The following UBOX5 variants were observed in gnomAD, a reference collection of about 807,000 sequenced individuals.
UBOX5 encodes U-box domain containing 5.
Under a neutral mutation model 39.0 loss-of-function variants are expected in UBOX5, and 28 were observed. The observed-to-expected ratio is 0.72, with a 90% CI of 0.53 to 0.98. The LOEUF is 0.98. Ranked by LOEUF, UBOX5 falls within the 50% of genes least tolerant of loss-of-function variation. The pLI is 0.00. For missense variants in UBOX5, 585 were observed against 674.4 expected, an observed-to-expected ratio of 0.87 and a Z score of 1.47; for synonymous variants, 283 against 275.5, an observed-to-expected ratio of 1.03 and a Z score of -0.27.
At chr20:3,113,457 G>T (rs560891020) in intron 4 of UBOX5, among the ~76,000 whole-genome samples, 2 of 152,244 alleles carry the variant, frequency 1.3e-5, no homozygotes, top group South Asian at 2.1e-4. Context: ...AAGAAGTGGA[G>T]CATGGTGATG....
At chr20:3,148,474 C>T in intron 1 of UBOX5, 1 of 1,614,116 alleles carries the variant, frequency 6.2e-7, no homozygotes, top group Non-Finnish European at 8.5e-7. Flanking sequence ...TATCAAAGAG[C>T]TGTATCTTCT....
rs761576034 is a variant in UBOX5 at position 3,122,189 on chromosome 20, G to A, written c.450C>T (p.Pro150=). Residue 150 remains proline, a synonymous_variant, in exon 3 of 5, where the codon CCC becomes CCT. Transcript: ENST00000217173. ...GCTCCTGGGCCACAACAGCAGGGGA[G>A]GGGAGTGTGGCTTCCATCGCGCCAA... ...PPFGAMEATL[P]SPAVVAQELW... 1 of 1,614,158 alleles carries A rather than the reference G, an allele frequency of 6.2e-7. No individual in the cohort carries two copies. Among genetic ancestry groups the A allele is most frequent in the South Asian group, 1.1e-5 (1 of 91,076 alleles).
chr20:3,155,846 G>GT (rs2066678363), intron 1 of UBOX5, among the ~76,000 whole-genome samples: 1 of 152,098 alleles, frequency 6.6e-6, no homozygotes, highest in Admixed American at 6.6e-5. Context: ...CCTACAAATG[G>GT]TAAACAGTGG....
At chr20:3,144,332 C>G (rs918535683) in intron 1 of UBOX5, among the ~76,000 whole-genome samples, 1 of 152,114 alleles carries the variant, frequency 6.6e-6, no homozygotes, top group African/African-American at 2.4e-5. Context: ...AATAACCCCC[C>G]ACATGTATGG....
intron 1 of UBOX5, chr20:3,148,071 CAG>C: frequency 1.9e-6 from 3 of 1,614,166 alleles, no homozygotes; most frequent in Non-Finnish European, 2.5e-6. Flanking sequence ...ATGACAAATT[CAG>C]AGAGATTAGT....
intron 4 of UBOX5, among the ~76,000 whole-genome samples, chr20:3,113,775 G>A (rs1229923538): frequency 6.6e-6 from 1 of 152,206 alleles, no homozygotes; most frequent in Non-Finnish European, 1.5e-5. Context: ...GATGATGGGG[G>A]CAGTGAGGGG....
intron 1 of UBOX5, among the ~76,000 whole-genome samples, chr20:3,139,138 C>A (rs1415918056): frequency 6.6e-6 from 1 of 152,154 alleles, no homozygotes; most frequent in Non-Finnish European, 1.5e-5. Context: ...AATTGAGTTA[C>A]CTGTCCATCC....
chr20:3,144,324 T>C (rs2066542149), intron 1 of UBOX5, among the ~76,000 whole-genome samples: 1 of 152,174 alleles, frequency 6.6e-6, no homozygotes, highest in Non-Finnish European at 1.5e-5. Flanking sequence ...AATCCATAAA[T>C]AACCCCCCAC....
chr20:3,111,716 T>A (rs1389182361), intron 4 of UBOX5: 2 of 152,602 alleles, frequency 1.3e-5, no homozygotes, highest in African/African-American at 4.8e-5. Flanking sequence ...CCCTTTCCTG[T>A]GCTTTCAGAG....
At chr20:3,126,281 T>C (rs2066387432) in intron 1 of UBOX5, among the ~76,000 whole-genome samples, 1 of 152,070 alleles carries the variant, frequency 6.6e-6, no homozygotes, top group South Asian at 2.1e-4. Context: ...GTGCAAGATG[T>C]GCTTTGTCAA....
intron 1 of UBOX5, among the ~76,000 whole-genome samples, chr20:3,140,916 ATT>A (rs11365728): frequency 6.0e-4 from 67 of 111,992 alleles, no homozygotes; most frequent in East Asian, 1.8e-3. Flanking sequence ...GGGTTGCCAG[ATT>A]TTTTTTTTTT....
At chr20:3,119,579 C>T (rs1456298636) in intron 3 of UBOX5, among the ~76,000 whole-genome samples, 1 of 152,106 alleles carries the variant, frequency 6.6e-6, no homozygotes. Context: ...TCAGGCCAGG[C>T]GCGGTGGCTT....
In UBOX5 at chr20:3,134,615, T is replaced by A. The variant is rs530578465; in HGVS notation, c.-41-11209A>T. Among the ~76,000 whole-genome samples the A allele has an allele frequency of 1.7e-3, 244 of 141,460 alleles. 3 individuals are homozygous for A. The highest frequency in any genetic ancestry group is 7.7e-3 in the Middle Eastern group (2 of 260). The allele number at this position is 141,460 out of a possible 152,430, so 92.8% of individuals were successfully genotyped here. A position where few individuals can be genotyped will look rare whatever the true frequency, so the allele number is the denominator to read the frequency against. On this transcript the variant is annotated intron_variant, in intron 1 of 4. Coordinates refer to ENST00000217173, the MANE Select transcript of UBOX5 (RefSeq NM_014948.4). ...TGGCTCATGCCTGTAATTCCAGCAC[T>A]CTGGGAGGCCAGACAGGCGGATCAT... is the stretch of plus-strand genomic sequence containing the variant.
Position 3,143,050 on chromosome 20 carries a change from A to G in UBOX5, c.-42+16716T>C, listed in dbSNP as rs2066531136. Reference sequence around the variant, plus strand: ...TCACACAGCAACAAAAAAAATTATTAGGGCTAACAAATGAATATTAAGCAC... The same window carrying G: ...TCACACAGCAACAAAAAAAATTATTGGGGCTAACAAATGAATATTAAGCAC... On this transcript the variant is annotated intron_variant, in intron 1 of 4. Coordinates refer to ENST00000217173, the MANE Select transcript of UBOX5 (RefSeq NM_014948.4). 1.3e-5 allele frequency among the ~76,000 whole-genome samples: 2 copies of G among 149,498 alleles called. 1 individual carries two copies. Among genetic ancestry groups the G allele is most frequent in the South Asian group, 4.2e-4 (2 of 4,724 alleles).
chr20:3,139,742 CTG>C (rs1327664464), intron 1 of UBOX5, among the ~76,000 whole-genome samples: 1 of 150,818 alleles, frequency 6.6e-6, no homozygotes, highest in Non-Finnish European at 1.5e-5. Context: ...CGGAGTCTTG[CTG>C]TGTCACCTCG....
In UBOX5 at chr20:3,115,240, C is replaced by A; in HGVS notation, c.1417+65G>T. On this transcript the variant is annotated intron_variant, in intron 4 of 4. Coordinates refer to ENST00000217173, the MANE Select transcript of UBOX5 (RefSeq NM_014948.4). ...CAGAGCCCCCAGGGACTCGGCCCAG[C>A]ATCCAGAGACAGAAAACAGACCACC... 3.9e-6 allele frequency: 6 copies of A among 1,529,688 alleles called. No homozygotes were observed. The East Asian group carries it at 1.4e-4, about 36-fold the overall frequency. The allele number at this position is 1,529,688 out of a possible 1,614,324, so 94.8% of individuals were successfully genotyped here.
At chr20:3,159,290 G>A (rs2066721999) in intron 1 of UBOX5, among the ~76,000 whole-genome samples, 4 of 152,090 alleles carry the variant, frequency 2.6e-5, no homozygotes, top group Admixed American at 2.6e-4. Flanking sequence ...CATACTGTAG[G>A]GCCTTGCTAC....
At chr20:3,148,329 C>A in intron 1 of UBOX5, 1 of 1,613,972 alleles carries the variant, frequency 6.2e-7, no homozygotes, top group African/African-American at 1.3e-5. Flanking sequence ...CAGAGATCAG[C>A]CACCAAAAGG....
chr20:3,123,513 C>T, intron 1 of UBOX5, 107 bp from the exon 2 acceptor site: 1 of 719,406 alleles, frequency 1.4e-6, no homozygotes, highest in Non-Finnish European at 2.3e-6. Flanking sequence ...AAAACTTGAA[C>T]ACACACACTC....
Sources: allele counts gnomAD v4.1 joint callset (sites outside exome capture counted in the v4.1 genomes callset), GRCh38; gene constraint gnomAD v4.1.1; transcripts MANE v1.5; gene names NCBI Gene and HGNC (gene_info 2026-07-23, HGNC 2026-07-21).